Variants in SPDL1 observed in about 807,000 individuals in gnomAD.
The protein encoded by SPDL1 is spindle apparatus coiled-coil protein 1, also known as protein Spindly.
SPDL1 carries 85 observed loss-of-function variants against 79.5 expected under a neutral mutation model. The observed-to-expected ratio is 1.07, with a 90% CI of 0.90 to 1.28. The LOEUF is 1.28. SPDL1 is among the 50% of genes most tolerant of loss of function. The pLI is 0.00. For synonymous variants in SPDL1, 269 were observed against 240.3 expected, an observed-to-expected ratio of 1.12 and a Z score of -1.10; for missense variants, 703 against 697.8, an observed-to-expected ratio of 1.01 and a Z score of -0.08.
intron 3 of SPDL1, among the ~76,000 whole-genome samples, chr5:169,592,901 AT>A (rs961472503): frequency 3.6e-5 from 5 of 140,520 alleles, no homozygotes; most frequent in Non-Finnish European, 7.6e-5. Flanking sequence ...CAAAATTTGG[AT>A]TTTTTTAATA....
rs1249303182 is a variant in SPDL1, at chr5:169,594,382, T to G, written c.682-12T>G. The stretch of plus-strand genomic sequence containing the variant: ...AATCTCTGTTGCCTAAATTGTTTTC[T>G]TTTGAATTTAGAAAGCTCGTGTAGC... On this transcript the variant is annotated splice_polypyrimidine_tract_variant and intron_variant, in intron 5 of 11. Transcript: ENST00000265295. 1 of 1,613,646 alleles carries G rather than the reference T, an allele frequency of 6.2e-7. No homozygotes were observed. Among genetic ancestry groups the G allele is most frequent in the Non-Finnish European group, 8.5e-7 (1 of 1,179,622 alleles).
intron 2 of SPDL1, chr5:169,588,904 C>T (rs1438880740): frequency 6.2e-6 from 1 of 161,684 alleles, no homozygotes; most frequent in African/African-American, 2.4e-5. Context: ...TACACCAAGC[C>T]CTTAGTTCCC....
At chr5:169,584,463 C>G (rs1203653983) in intron 1 of SPDL1, among the ~76,000 whole-genome samples, 1 of 152,152 alleles carries the variant, frequency 6.6e-6, no homozygotes, top group African/African-American at 2.4e-5. Context: ...GCTTTTCATT[C>G]GTTATCTCAT....
At chr5:169,588,231 C>G (rs776401647) in intron 1 of SPDL1, 163 bp from the exon 2 acceptor site, 6 of 489,386 alleles carry the variant, frequency 1.2e-5, no homozygotes, top group Non-Finnish European at 2.2e-5. Context: ...ACAGTTCTTG[C>G]TCTTGGAACA....
At chr5:169,584,712 A>G (rs541693010) in intron 1 of SPDL1, among the ~76,000 whole-genome samples, 1 of 152,264 alleles carries the variant, frequency 6.6e-6, no homozygotes, top group East Asian at 1.9e-4. Flanking sequence ...GGTAGATTCT[A>G]GTTCCCATCA....
At chr5:169,592,442 C>G (rs1000045366) in intron 3 of SPDL1, among the ~76,000 whole-genome samples, 1 of 152,064 alleles carries the variant, frequency 6.6e-6, no homozygotes, top group African/African-American at 2.4e-5. Context: ...GTCTCTAACT[C>G]CTGACCTCGT....
rs1012604547 is a variant in SPDL1, at chr5:169,591,215, A to G, written c.327A>G (p.Leu109=). 7.4e-6 allele frequency: 12 copies of G among 1,612,830 alleles called. No homozygotes were observed. Among genetic ancestry groups the G allele is most frequent in the African/African-American group, 6.7e-5 (5 of 74,932 alleles). The change falls in exon 3 of 12, where the codon CTA becomes CTG. Residue 109 remains leucine (L), a synonymous_variant. Coordinates refer to ENST00000265295, the MANE Select transcript of SPDL1 (RefSeq NM_017785.5). ...SRSHGQEVNE[L]KTKIEKLKVE... is the part of the protein sequence containing the mutation. ...GCCATGGACAGGAAGTGAATGAACT[A>G]AAAACTAAGGTTGGGATATCTGCGT... is the stretch of plus-strand genomic sequence containing the variant.
intron 11 of SPDL1, among the ~76,000 whole-genome samples, chr5:169,603,670 G>A (rs1414796730): frequency 4.6e-5 from 7 of 151,996 alleles, no homozygotes; most frequent in Non-Finnish European, 8.8e-5. Flanking sequence ...CCTGACCAAC[G>A]TGGTGAAACC....
In SPDL1 at chr5:169,591,261, A is replaced by G. The variant is rs76078950; in HGVS notation, c.336+37A>G. 881 of 1,586,158 alleles carry G rather than the reference A, an allele frequency of 5.6e-4. 15 individuals carry two copies. The East Asian group carries it at 0.014, about 25-fold the overall frequency. ...TGCGTATTTCAGCACAAAATATTCC[A>G]TATTTATGCAGCCATCTGTAAACTT... is the stretch of plus-strand genomic sequence containing the variant. On this transcript the variant is annotated intron_variant, in intron 3 of 11. Coordinates refer to ENST00000265295, the MANE Select transcript of SPDL1 (RefSeq NM_017785.5).
chr5:169,600,768 C>T (rs1432605741), intron 10 of SPDL1, among the ~76,000 whole-genome samples: 3 of 152,156 alleles, frequency 2.0e-5, no homozygotes, highest in Admixed American at 6.5e-5. Flanking sequence ...AGCTAACAGG[C>T]ATATATTACC....
chr5:169,591,195 G>T lies in SPDL1; in HGVS notation c.307G>T (p.Gly103Ter). The change falls in exon 3 of 12, where the codon GGA becomes TGA. Residue 103 changes from glycine (G) to a stop codon, truncating the protein, a stop_gained. Transcript: ENST00000265295. LOFTEE classifies it high-confidence loss of function. The part of the protein sequence containing the change: ...KLEEQLSRSH[G>*]QEVNELKTKI... ...GGAAGAACAACTAAGCAGAAGCCATGGACAGGAAGTGAATGAACTAAAAAC... is the reference window on the plus strand; with the variant it reads ...GGAAGAACAACTAAGCAGAAGCCATTGACAGGAAGTGAATGAACTAAAAAC... 6.2e-7 allele frequency: 1 copy of T among 1,613,708 alleles called. No individual in the cohort carries two copies. The highest frequency in any genetic ancestry group is 1.1e-5 in the South Asian group (1 of 90,994).
rs537299515 is a variant in SPDL1 at position 169,603,785 on chromosome 5, C to T, written c.1671-275C>T. Among the ~76,000 whole-genome samples the T allele has an allele frequency of 4.6e-5, 7 of 152,116 alleles. No homozygotes were observed. The East Asian group carries it at 9.7e-4, about 21-fold the overall frequency. Reference sequence around the variant, plus strand: ...AGGAGAATCGCTTGAACCCGGGAGGCGGAGGTTGCAGTGAGCCGAGATCAT... The same window carrying T: ...AGGAGAATCGCTTGAACCCGGGAGGTGGAGGTTGCAGTGAGCCGAGATCAT... On this transcript the variant is annotated intron_variant, in intron 11 of 11. Coordinates refer to ENST00000265295, the MANE Select transcript of SPDL1 (RefSeq NM_017785.5).
At chr5:169,588,242 A>G (rs1755080963) in intron 1 of SPDL1, 152 bp from the exon 2 acceptor site, 2 of 515,186 alleles carry the variant, frequency 3.9e-6, no homozygotes, top group Admixed American at 3.7e-5. Context: ...TCTTGGAACA[A>G]GAATGCAAAT....
rs750996171 is a variant in SPDL1, at chr5:169,601,375, G to A, written c.1420G>A (p.Gly474Arg). Residue 474 changes from glycine to arginine, a missense_variant, in exon 11 of 12, where the codon GGG (glycine) becomes AGG (arginine). Transcript: ENST00000265295. Reference sequence around the variant, plus strand: ...TGCATGTGTCAACAACAGTGCTCTCGGGGGAGAAGTTTATCGATTACCGCC... The same window carrying A: ...TGCATGTGTCAACAACAGTGCTCTCAGGGGAGAAGTTTATCGATTACCGCC... ...KDACVNNSAL[G>R]GEVYRLPPQK... 47 of 1,613,914 alleles carry A rather than the reference G, an allele frequency of 2.9e-5. No individual in the cohort carries two copies. In the East Asian group the frequency reaches 3.8e-4, roughly 13 times the overall value.
chr5:169,596,747 A>T (rs906372660), intron 8 of SPDL1, 46 bp downstream of exon 8: 2 of 1,483,916 alleles, frequency 1.3e-6, no homozygotes, highest in African/African-American at 1.5e-5. Flanking sequence ...TTTGATTTGA[A>T]TATCTTAAAA....
chr5:169,585,680 T>C (rs1220779168), intron 1 of SPDL1, among the ~76,000 whole-genome samples: 1 of 152,240 alleles, frequency 6.6e-6, no homozygotes, highest in Non-Finnish European at 1.5e-5. Flanking sequence ...GAAAAGGTCT[T>C]GCATTTTAGA....
chr5:169,600,967 A>G (rs1181534016), intron 10 of SPDL1, among the ~76,000 whole-genome samples: 1 of 152,208 alleles, frequency 6.6e-6, no homozygotes, highest in Non-Finnish European at 1.5e-5. Context: ...CTGTCTCTTC[A>G]TCTCCACACT....
At chr5:169,603,818 C>T (rs1035727626) in intron 11 of SPDL1, among the ~76,000 whole-genome samples, 2 of 152,102 alleles carry the variant, frequency 1.3e-5, no homozygotes, top group East Asian at 1.9e-4. Context: ...CATGCCACTG[C>T]GCTCCAGCCT....
In SPDL1 at chr5:169,601,292, T is replaced by G; in HGVS notation, c.1337T>G (p.Val446Gly). 6.2e-7 allele frequency: 1 copy of G among 1,609,500 alleles called. No homozygotes were observed. Among genetic ancestry groups the G allele is most frequent in the Non-Finnish European group, 8.5e-7 (1 of 1,178,388 alleles). ...TTTTTATTCTCAGAGACAGTTGAAGTGCCTGTACTGAAAAAGAGGCGTGAG... is the reference window on the plus strand; with the variant it reads ...TTTTTATTCTCAGAGACAGTTGAAGGGCCTGTACTGAAAAAGAGGCGTGAG... ...LKYEPEETVEVPVLKKRREVL... is the reference protein window; with the variant it reads ...LKYEPEETVEGPVLKKRREVL... Residue 446 changes from valine (V) to glycine (G), a missense_variant, in exon 11 of 12, where the codon GTG becomes GGG. Physicochemically the swap from Val to Gly is moderately radical, Grantham distance 109 (BLOSUM62 -3). Coordinates refer to ENST00000265295, the MANE Select transcript of SPDL1 (RefSeq NM_017785.5).
Sources: allele counts gnomAD v4.1 joint callset (sites outside exome capture counted in the v4.1 genomes callset), GRCh38; gene constraint gnomAD v4.1.1; transcripts MANE v1.5; gene names NCBI Gene and HGNC (gene_info 2026-07-23, HGNC 2026-07-21).